ATP2B3: variants seen among roughly 807,000 people sequenced by gnomAD.
ATP2B3 encodes ATPase plasma membrane Ca2+ transporting 3, also known as plasma membrane calcium-transporting ATPase 3.
Under a neutral mutation model 70.8 loss-of-function variants are expected in ATP2B3, and 12 were observed. The ratio of observed to expected loss-of-function variants is 0.17; its 90% CI spans 0.11 to 0.27. The LOEUF (loss-of-function observed/expected upper bound fraction) is 0.27. Ranked by LOEUF, ATP2B3 falls within the 10% of genes least tolerant of loss-of-function variation. ATP2B3 has a pLI of 1.00. For missense variants in ATP2B3, 858 were observed against 1,118.5 expected, an observed-to-expected ratio of 0.77 and a Z score of 3.32; for synonymous variants, 460 against 497.8, an observed-to-expected ratio of 0.92 and a Z score of 1.01.
intron 12 of ATP2B3, 113 bp from the exon 13 acceptor site, chrX:153,552,922 C>A (rs1557012053): frequency 3.4e-6 from 2 of 589,349 alleles, no homozygotes; most frequent in Non-Finnish European, 5.4e-6. Context: ...ACGGGGCACT[C>A]CTCTCTGATA....
At chrX:153,561,004 G>T (rs2090616933) in intron 19 of ATP2B3, 117 bp downstream of exon 19, 2 of 857,452 alleles carry the variant, frequency 2.3e-6, no homozygotes, top group East Asian at 6.6e-5. Flanking sequence ...CCCAGAAGGA[G>T]CCCCACCCCA....
chrX:153,538,418 T>C (rs1287136445), intron 3 of ATP2B3, among the ~76,000 whole-genome samples: 1 of 112,781 alleles, frequency 8.9e-6, no homozygotes, highest in Non-Finnish European at 1.9e-5. Flanking sequence ...TCCACTGCCC[T>C]CCCTGTCTTG....
At chrX:153,573,245 CA>C (rs2090814742) in intron 21 of ATP2B3, among the ~76,000 whole-genome samples, 1 of 112,208 alleles carries the variant, frequency 8.9e-6, no homozygotes, top group African/African-American at 3.2e-5. Flanking sequence ...ACCGTGTGGC[CA>C]AAGGGGCCAA....
intron 21 of ATP2B3, among the ~76,000 whole-genome samples, chrX:153,577,408 C>T (rs2090871301): frequency 8.9e-6 from 1 of 112,136 alleles, no homozygotes; most frequent in Non-Finnish European, 1.9e-5. Context: ...CGAGATCTCA[C>T]CCCACACAGC....
At chrX:153,530,962 A>G (rs961291473) in intron 2 of ATP2B3, among the ~76,000 whole-genome samples, 2 of 112,117 alleles carry the variant, frequency 1.8e-5, no homozygotes, top group Non-Finnish European at 3.8e-5. Flanking sequence ...AATATTAATG[A>G]GGCTGTTCTC....
intron 6 of ATP2B3, among the ~76,000 whole-genome samples, 159 bp from the exon 7 acceptor site, chrX:153,542,884 G>C (rs782502465): frequency 2.4e-4 from 27 of 113,226 alleles, no homozygotes; most frequent in Admixed American, 7.4e-4. Context: ...TGTGGGCCTC[G>C]GGGTCTCCTC....
chrX:153,529,948 T>C, intron 2 of ATP2B3, among the ~76,000 whole-genome samples: 1 of 112,741 alleles, frequency 8.9e-6, no homozygotes, highest in Non-Finnish European at 1.9e-5. Context: ...GGCCACATGG[T>C]GTTTATCCAG....
At chrX:153,521,928 C>A (rs189659495) in intron 2 of ATP2B3, among the ~76,000 whole-genome samples, 119 of 112,042 alleles carry the variant, frequency 1.1e-3, no homozygotes, top group African/African-American at 3.5e-3. Flanking sequence ...TCACACGGAC[C>A]CTGAAGCCAC....
chrX:153,546,174 G>A (rs782730998), intron 8 of ATP2B3, 45 bp downstream of exon 8: 1 of 1,202,251 alleles, frequency 8.3e-7, no homozygotes. Flanking sequence ...GGAGCCCTGG[G>A]GGTGGGGCTG....
intron 21 of ATP2B3, 124 bp from the exon 22 acceptor site, chrX:153,579,854 C>T (rs1448485724): frequency 2.8e-5 from 17 of 612,528 alleles, no homozygotes; most frequent in Non-Finnish European, 4.1e-5. Flanking sequence ...TTTACCAGCA[C>T]CAGCCGGCCA....
intron 21 of ATP2B3, 137 bp from the exon 22 acceptor site, chrX:153,579,841 G>A: frequency 1.8e-6 from 1 of 547,360 alleles, no homozygotes; most frequent in Non-Finnish European, 2.9e-6. Flanking sequence ...GACGTGGGTG[G>A]AATTTACCAG....
chrX:153,561,572 C>T (rs1351618430), intron 19 of ATP2B3, among the ~76,000 whole-genome samples: 43 of 111,013 alleles, frequency 3.9e-4, no homozygotes, highest in African/African-American at 1.1e-3. Context: ...CGGGGAGGAG[C>T]AGGTGAGGCA....
At chrX:153,565,140 C>T (rs2090686402) in intron 21 of ATP2B3, 37 bp downstream of exon 21, 1 of 1,146,534 alleles carries the variant, frequency 8.7e-7, no homozygotes, top group African/African-American at 1.8e-5. Flanking sequence ...GCACTTCCAC[C>T]CCAAGAGGGT....
Position 153,558,029 on chromosome X carries a change from CCCAGGCGGG to C in ATP2B3, c.2434-77_2434-69del, listed in dbSNP as rs1459560740. On this transcript the variant is annotated intron_variant, in intron 16 of 21. Transcript: ENST00000263519. ...TCAGAAGGGGAGAGCAGGGAGCCAG[CCCAGGCGGG>C]CCAGGTGATCAAGGGGGGCTGGGGA... 3.9e-6 allele frequency: 4 copies of C among 1,016,043 alleles called. No individual in the cohort carries two copies. The Admixed American group carries it at 1.2e-4, about 30-fold the overall frequency. The allele number at this position is 1,016,043 out of a possible 1,213,427, so 83.7% of individuals were successfully genotyped here. A position where few individuals can be genotyped will look rare whatever the true frequency, so the allele number is the denominator to read the frequency against.
In ATP2B3 at chrX:153,559,941, C is replaced by T. The variant is rs782710106; in HGVS notation, c.2838C>T (p.Val946=). 6.6e-6 allele frequency: 8 copies of T among 1,208,665 alleles called. No homozygotes were observed. The highest frequency in any genetic ancestry group is 3.0e-5 in the East Asian group (1 of 33,751). The change falls in exon 18 of 22, where the codon GTC becomes GTT. Residue 946 remains valine (V), a splice_region_variant and synonymous_variant. Coordinates refer to ENST00000263519, the MANE Select transcript of ATP2B3 (RefSeq NM_001001344.3). ...CCATCATCTTCACCCTGCTGTTTGT[C>T]GGTAGGCTGGCCAGGGGCACCCGGG... ...QLAIIFTLLF[V]GELFFDIDSG...
chrX:153,533,900 G>A (rs2090152285), intron 2 of ATP2B3, among the ~76,000 whole-genome samples: 1 of 111,312 alleles, frequency 9.0e-6, no homozygotes, highest in Non-Finnish European at 1.9e-5. Flanking sequence ...GGTATGCCAT[G>A]GTCAGAGGAG....
At chrX:153,539,697 G>A (rs906646918) in intron 3 of ATP2B3, among the ~76,000 whole-genome samples, 2 of 113,026 alleles carry the variant, frequency 1.8e-5, no homozygotes, top group African/African-American at 3.2e-5. Context: ...TCACGGCCGC[G>A]ACAGCACTGG....
chrX:153,560,943 G>A lies in ATP2B3; in HGVS notation c.3051+56G>A. 3 of 1,181,449 alleles carry A rather than the reference G, an allele frequency of 2.5e-6. No homozygotes were observed. The South Asian group carries it at 5.4e-5, about 21-fold the overall frequency. On this transcript the variant is annotated intron_variant, in intron 19 of 21. Coordinates refer to ENST00000263519, the MANE Select transcript of ATP2B3 (RefSeq NM_001001344.3). ...GCCACTTGCAAAAAGTGGAGGTGGT[G>A]GGCTTCAAGACCCCTCGTCCACCCC...
chrX:153,532,767 A>C (rs1297797887), intron 2 of ATP2B3, among the ~76,000 whole-genome samples: 1 of 112,319 alleles, frequency 8.9e-6, no homozygotes, highest in African/African-American at 3.2e-5. Flanking sequence ...CTCGGCAGCC[A>C]GCCCAGGCCG....
Sources: allele counts gnomAD v4.1 joint callset (sites outside exome capture counted in the v4.1 genomes callset), GRCh38; gene constraint gnomAD v4.1.1; transcripts MANE v1.5; gene names NCBI Gene and HGNC (gene_info 2026-07-23, HGNC 2026-07-21).